Variants in CREM observed in about 807,000 individuals in gnomAD.
The protein encoded by CREM is cAMP-responsive element modulator.
In CREM, 13 loss-of-function variants were observed where a neutral mutation model predicts 37.3. The observed-to-expected ratio is 0.35, with a 90% CI of 0.23 to 0.55. The LOEUF (loss-of-function observed/expected upper bound fraction) is 0.55, where lower values mean the gene tolerates loss of function less well. CREM is among the 20% of genes least tolerant of loss of function. The probability of loss-of-function intolerance (pLI) is 0.88; values close to 1 mark genes in which losing one functional copy is unlikely to be tolerated. For missense variants in CREM, 296 were observed against 362.3 expected (o/e 0.82, Z 1.49); for synonymous variants, 124 against 120.2 (o/e 1.03, Z -0.21).
At chr10:35,164,937 G>C (rs2093466173) in intron 3 of CREM, among the ~76,000 whole-genome samples, 1 of 151,836 alleles carries the variant, frequency 6.6e-6, no homozygotes, top group African/African-American at 2.4e-5. Context: ...TGTAATCCCA[G>C]CTACGCCGGA....
chr10:35,189,195 G>GTT (rs35421708), intron 6 of CREM, among the ~76,000 whole-genome samples: 2 of 141,912 alleles, frequency 1.4e-5, no homozygotes, highest in Non-Finnish European at 3.1e-5. Context: ...TTGTTTGTTT[G>GTT]TTTTTTTGAC....
In CREM at chr10:35,196,174, G is replaced by A. The variant is rs896500611; in HGVS notation, c.598+7786G>A. ...AATGGATTATGTATTGTATAAGCTG[G>A]CGGGTTCTTTACTCTTACTCCATCC... On this transcript the variant is annotated intron_variant, in intron 6 of 7. Coordinates refer to ENST00000685392, the MANE Select transcript of CREM (RefSeq NM_183011.2). 4 of 1,519,546 alleles carry A rather than the reference G, an allele frequency of 2.6e-6. No individual in the cohort carries two copies. The Admixed American group carries it at 7.0e-5, about 26-fold the overall frequency. 94.1% of individuals were successfully genotyped at this position (1,519,546 alleles called of 1,614,324 possible).
intron 6 of CREM, among the ~76,000 whole-genome samples, chr10:35,191,942 G>A (rs1024529787): frequency 8.7e-6 from 1 of 114,462 alleles, no homozygotes; most frequent in Admixed American, 8.6e-5. Context: ...TACTATCCTT[G>A]ATGCCAGAAA....
At chr10:35,187,703 C>T (rs372895517) in intron 5 of CREM, among the ~76,000 whole-genome samples, 4 of 151,650 alleles carry the variant, frequency 2.6e-5, no homozygotes, top group African/African-American at 9.7e-5. Context: ...CAGGGTTTTC[C>T]TGTGTTGCCC....
At position 35,189,178 on chromosome 10, in the gene CREM, T is replaced by G. The variant is rs185294641; in HGVS notation, c.598+790T>G. On this transcript the variant is annotated intron_variant, in intron 6 of 7. Transcript: ENST00000685392. ...ACAAATGCTGACTTTGGGTTTTTTGTTTTTTTTTGTTTGTTTGTTTTTTTG... is the reference window on the plus strand; with the variant it reads ...ACAAATGCTGACTTTGGGTTTTTTGGTTTTTTTTGTTTGTTTGTTTTTTTG... Among the ~76,000 whole-genome samples, 137 of 105,928 alleles carry G rather than the reference T, an allele frequency of 1.3e-3. No homozygotes were observed. In the East Asian group the frequency reaches 0.015, roughly 12 times the overall value. 69.5% of individuals were successfully genotyped at this position (105,928 alleles called of 152,430 possible).
intron 3 of CREM, among the ~76,000 whole-genome samples, chr10:35,163,541 C>T (rs566874783): frequency 6.6e-6 from 1 of 152,034 alleles, no homozygotes; most frequent in South Asian, 2.1e-4. Flanking sequence ...AAACTTAGGC[C>T]AGGTGCAGTG....
At chr10:35,187,118 AT>A (rs2094633637) in intron 5 of CREM, among the ~76,000 whole-genome samples, 1 of 78,626 alleles carries the variant, frequency 1.3e-5, no homozygotes, top group East Asian at 3.5e-4. Flanking sequence ...TTATATAAAT[AT>A]ATAAATATAT....
intron 2 of CREM, among the ~76,000 whole-genome samples, chr10:35,145,913 A>G (rs185726846): frequency 6.6e-6 from 1 of 152,350 alleles, no homozygotes; most frequent in East Asian, 1.9e-4. Context: ...TTCTCAAGAA[A>G]GTTTGATTCA....
chr10:35,178,673 C>T (rs181255507), intron 3 of CREM, among the ~76,000 whole-genome samples: 7 of 152,334 alleles, frequency 4.6e-5, no homozygotes, highest in Admixed American at 4.6e-4. Context: ...CGTAACATTC[C>T]TTTCCACACA....
At chr10:35,206,214 C>T (rs1264502960) in intron 6 of CREM, among the ~76,000 whole-genome samples, 2 of 151,652 alleles carry the variant, frequency 1.3e-5, no homozygotes. Context: ...CGCCACTGCA[C>T]TCCAGCCTGG....
At chr10:35,205,877 G>C (rs2095506121) in intron 6 of CREM, among the ~76,000 whole-genome samples, 1 of 152,000 alleles carries the variant, frequency 6.6e-6, no homozygotes, top group African/African-American at 2.4e-5. Context: ...AGAATCGCTT[G>C]AACTGGGGAG....
intron 3 of CREM, among the ~76,000 whole-genome samples, chr10:35,159,953 A>G (rs902691980): frequency 9.9e-5 from 15 of 152,230 alleles, no homozygotes; most frequent in Admixed American, 2.6e-4. Context: ...GGCCAAGTAC[A>G]GTCATTCATC....
In CREM at chr10:35,167,769, A is replaced by G. The variant is rs562161172; in HGVS notation, c.169-11120A>G. On this transcript the variant is annotated intron_variant, in intron 3 of 7. Coordinates refer to ENST00000685392, the MANE Select transcript of CREM (RefSeq NM_183011.2). Reference sequence around the variant, plus strand: ...AATCTATGTTTCAGGCGTCCTATAGAAGAGGATTATTCTTCAGGGGATGTG... The same window carrying G: ...AATCTATGTTTCAGGCGTCCTATAGGAGAGGATTATTCTTCAGGGGATGTG... 25 of 1,614,156 alleles carry G rather than the reference A, an allele frequency of 1.5e-5. No individual in the cohort carries two copies. In the South Asian group the frequency reaches 2.1e-4, roughly 13 times the overall value.
chr10:35,187,101 A>G (rs867380214), intron 5 of CREM, among the ~76,000 whole-genome samples: 1 of 69,448 alleles, frequency 1.4e-5, no homozygotes, highest in African/African-American at 5.8e-5. Context: ...AATATATATG[A>G]TATATATTAT....
chr10:35,158,907 A>C (rs2093116302), intron 3 of CREM, among the ~76,000 whole-genome samples: 1 of 132,276 alleles, frequency 7.6e-6, no homozygotes, highest in East Asian at 2.2e-4. Flanking sequence ...GTCTATTTTT[A>C]TATGCCTTTT....
intron 2 of CREM, among the ~76,000 whole-genome samples, chr10:35,148,157 T>C (rs2092310874): frequency 6.6e-6 from 1 of 152,236 alleles, no homozygotes; most frequent in Non-Finnish European, 1.5e-5. Context: ...TATACAATAT[T>C]TTTAATGATT....
At chr10:35,200,094 G>T (rs1014226618) in intron 6 of CREM, among the ~76,000 whole-genome samples, 7 of 151,722 alleles carry the variant, frequency 4.6e-5, no homozygotes, top group Non-Finnish European at 7.4e-5. Context: ...TCACCATTTG[G>T]TCAGGCTGGT....
intron 6 of CREM, among the ~76,000 whole-genome samples, chr10:35,201,716 T>A (rs1445260330): frequency 6.6e-6 from 1 of 152,146 alleles, no homozygotes; most frequent in Non-Finnish European, 1.5e-5. Flanking sequence ...GCTTTTAAAA[T>A]GCTATGTTAG....
intron 5 of CREM, chr10:35,179,499 GA>G: frequency 2.2e-6 from 1 of 453,354 alleles, no homozygotes; most frequent in East Asian, 3.5e-5. Flanking sequence ...GAATATAGAA[GA>G]AAATTTTGGG....
Sources: gnomAD v4.1 joint callset for allele counts (sites outside exome capture counted in the v4.1 genomes callset) on GRCh38, gnomAD v4.1.1 for gene constraint, MANE v1.5 for transcripts, NCBI Gene and HGNC (gene_info 2026-07-23, HGNC 2026-07-21) for gene names.